Variants in MYO5A observed in about 807,000 individuals in gnomAD.
The protein encoded by MYO5A is unconventional myosin-Va.
MYO5A carries 98 observed loss-of-function variants against 249.7 expected under a neutral mutation model. The ratio of observed to expected loss-of-function variants is 0.39; its 90% CI spans 0.33 to 0.46. MYO5A has a LOEUF of 0.46. Among genes scored for constraint, MYO5A ranks in the 20% least tolerant of loss-of-function variants. The pLI, the probability that MYO5A is intolerant of heterozygous loss-of-function variation, is 0.98. For missense variants in MYO5A, 1,696 were observed against 2,308.8 expected (o/e 0.73, Z 5.44); for synonymous variants, 778 against 810.6 (o/e 0.96, Z 0.68).
At chr15:52,320,744 G>T (rs28633243) in intron 38 of MYO5A, among the ~76,000 whole-genome samples, 14,401 of 151,974 alleles carry the variant, frequency 0.095, 2,119 homozygotes, top group African/African-American at 0.32. Flanking sequence ...CTGGGTGCAG[G>T]GGCTCACACC....
At chr15:52,416,921 ATACAACTGAG>A (rs1163237288) in intron 4 of MYO5A, among the ~76,000 whole-genome samples, 5 of 152,214 alleles carry the variant, frequency 3.3e-5, no homozygotes, top group African/African-American at 1.2e-4. Flanking sequence ...ATTTTCTTAC[ATACAACTGAG>A]TTTCTGCTTA....
chr15:52,335,248 G>A (rs576363681), intron 34 of MYO5A, among the ~76,000 whole-genome samples: 3 of 152,216 alleles, frequency 2.0e-5, no homozygotes, highest in South Asian at 4.2e-4. Context: ...GGCTGGAAGC[G>A]GTGGCTCACG....
Position 52,500,909 on chromosome 15 carries a change from G to T in MYO5A, c.27+27871C>A, listed in dbSNP as rs986703612. 3.9e-5 allele frequency among the ~76,000 whole-genome samples: 6 copies of T among 151,988 alleles called. No individual in the cohort carries two copies. The Middle Eastern group carries it at 0.01, about 258-fold the overall frequency. On this transcript the variant is annotated intron_variant, in intron 1 of 41. Coordinates refer to ENST00000399233, the MANE Select transcript of MYO5A (RefSeq NM_001382347.1). ...CTCAATTCTAAAAGCATCAAACAAT[G>T]CTTTAAATATATTATAAAATATATT... is the stretch of plus-strand genomic sequence containing the variant.
At chr15:52,432,232 G>A (rs188721544) in intron 2 of MYO5A, among the ~76,000 whole-genome samples, 23 of 152,338 alleles carry the variant, frequency 1.5e-4, no homozygotes, top group African/African-American at 4.8e-4. Context: ...AGAACACAAC[G>A]ATATTTGCTG....
chr15:52,448,328 G>A (rs1391036871), intron 1 of MYO5A, among the ~76,000 whole-genome samples: 1 of 152,196 alleles, frequency 6.6e-6, no homozygotes, highest in Non-Finnish European at 1.5e-5. Context: ...ACTTGCATGA[G>A]GTTTGTAGGC....
intron 6 of MYO5A, among the ~76,000 whole-genome samples, chr15:52,408,743 C>T (rs941434357): frequency 6.6e-6 from 1 of 152,144 alleles, no homozygotes; most frequent in Non-Finnish European, 1.5e-5. Flanking sequence ...AATACAGTTG[C>T]AATAATATTG....
In MYO5A at chr15:52,312,166, C is replaced by G. The variant is rs2037796797; in HGVS notation, c.*1530G>C. The G allele has an allele frequency of 6.6e-6, 1 of 152,234 alleles. No individual in the cohort carries two copies. Among genetic ancestry groups the G allele is most frequent in the Non-Finnish European group, 1.5e-5 (1 of 68,010 alleles). The allele number at this position is 152,234 out of a possible 1,614,324, so 9.4% of individuals were successfully genotyped here. On this transcript the variant is annotated 3_prime_UTR_variant, in exon 42 of 42. Transcript: ENST00000399233. Reference sequence around the variant, plus strand: ...TGTAAAATTCAACAATCTTCTATTTCTTATATAAGTCTTCTTAAAGTATTT... The same window carrying G: ...TGTAAAATTCAACAATCTTCTATTTGTTATATAAGTCTTCTTAAAGTATTT...
chr15:52,346,294 G>T, intron 30 of MYO5A, 67 bp downstream of exon 30: 1 of 954,712 alleles, frequency 1.0e-6, no homozygotes. Flanking sequence ...TACTGTACAA[G>T]AGGCTGGCTT....
chr15:52,383,146 T>C lies in MYO5A; in HGVS notation c.1957A>G (p.Thr653Ala), dbSNP rs1194720047. ...LHLLMETLNATTPHYVRCIKP... is the reference protein window; with the variant it reads ...LHLLMETLNAATPHYVRCIKP... ...ATACAGCGCACATAGTGAGGGGTAGTGGCATTGAGTGTCTCCATAAGCAGG... is the reference window on the plus strand; with the variant it reads ...ATACAGCGCACATAGTGAGGGGTAGCGGCATTGAGTGTCTCCATAAGCAGG... The change falls in exon 16 of 42, where the codon ACT (threonine) becomes GCT (alanine). Residue 653 changes from threonine to alanine, a missense_variant. Coordinates refer to ENST00000399233, the MANE Select transcript of MYO5A (RefSeq NM_001382347.1). 6.2e-7 allele frequency: 1 copy of C among 1,613,988 alleles called. No individual in the cohort carries two copies. The highest frequency in any genetic ancestry group is 8.5e-7 in the Non-Finnish European group (1 of 1,179,986).
At chr15:52,440,562 C>T (rs1252851971) in intron 1 of MYO5A, among the ~76,000 whole-genome samples, 1 of 152,228 alleles carries the variant, frequency 6.6e-6, no homozygotes, top group Non-Finnish European at 1.5e-5. Context: ...GTCACCGCAC[C>T]TGGCCCACCA....
At chr15:52,422,952 G>A (rs971451123) in intron 4 of MYO5A, among the ~76,000 whole-genome samples, 3 of 152,086 alleles carry the variant, frequency 2.0e-5, no homozygotes, top group South Asian at 2.1e-4. Context: ...TAGCACAATC[G>A]TAGATCACTG....
At chr15:52,464,995 C>T (rs2076324371) in intron 1 of MYO5A, among the ~76,000 whole-genome samples, 1 of 152,196 alleles carries the variant, frequency 6.6e-6, no homozygotes, top group Non-Finnish European at 1.5e-5. Flanking sequence ...GTATTGGCCA[C>T]ACTGGGAGTC....
chr15:52,497,399 C>T (rs1353102526), intron 1 of MYO5A, among the ~76,000 whole-genome samples: 1 of 146,050 alleles, frequency 6.8e-6, no homozygotes, highest in Non-Finnish European at 1.5e-5. Flanking sequence ...AGCAGATGTC[C>T]TGAAATAGCT....
chr15:52,443,041 G>A (rs1367061274), intron 1 of MYO5A, among the ~76,000 whole-genome samples: 7 of 152,142 alleles, frequency 4.6e-5, no homozygotes, highest in African/African-American at 7.2e-5. Context: ...GTGAGCCACC[G>A]TGCCTGGCCA....
chr15:52,459,839 G>A (rs7402901), intron 1 of MYO5A, among the ~76,000 whole-genome samples: 5 of 129,814 alleles, frequency 3.9e-5, no homozygotes, highest in African/African-American at 1.5e-4. Flanking sequence ...AGGGGCCCCC[G>A]ATCTCCCAGA....
intron 1 of MYO5A, among the ~76,000 whole-genome samples, chr15:52,511,641 C>A (rs561753141): frequency 2.0e-5 from 3 of 152,262 alleles, no homozygotes; most frequent in African/African-American, 7.2e-5. Flanking sequence ...TTCCAAAATA[C>A]TGGAATGGGA....
At chr15:52,494,120 A>G (rs1218710277) in intron 1 of MYO5A, among the ~76,000 whole-genome samples, 1 of 152,150 alleles carries the variant, frequency 6.6e-6, no homozygotes, top group East Asian at 1.9e-4. Context: ...AGAGTCAAAC[A>G]TGTTCCCTAT....
At chr15:52,424,634 C>T (rs1413974930) in intron 4 of MYO5A, among the ~76,000 whole-genome samples, 1 of 152,142 alleles carries the variant, frequency 6.6e-6, no homozygotes, top group Non-Finnish European at 1.5e-5. Context: ...ATCATGTATA[C>T]TCTCCCTGGC....
chr15:52,337,768 T>A lies in MYO5A; in HGVS notation c.4314+42A>T, dbSNP rs972736976. ...CTCTTCAGTTACAGAGGGCTATAAG[T>A]AGCAAGGGAAGACAGCAGAAAAGCA... On this transcript the variant is annotated intron_variant, in intron 33 of 41. Transcript: ENST00000399233. 4.9e-6 allele frequency: 7 copies of A among 1,419,462 alleles called. No homozygotes were observed. In the African/African-American group the frequency reaches 7.2e-5, roughly 15 times the overall value. 87.9% of individuals were successfully genotyped at this position (1,419,462 alleles called of 1,614,324 possible).
Sources: allele counts gnomAD v4.1 joint callset (sites outside exome capture counted in the v4.1 genomes callset), GRCh38; gene constraint gnomAD v4.1.1; transcripts MANE v1.5; gene names NCBI Gene and HGNC (gene_info 2026-07-23, HGNC 2026-07-21).